Variants in PRKN observed in about 807,000 individuals in gnomAD.
PRKN encodes the protein E3 ubiquitin-protein ligase parkin.
PRKN carries 56 observed loss-of-function variants against 59.5 expected under a neutral mutation model. The observed-to-expected ratio is 0.94, with a 90% CI of 0.76 to 1.18. The LOEUF (loss-of-function observed/expected upper bound fraction) is 1.18, where lower values mean the gene tolerates loss of function less well. Among genes scored for constraint, PRKN ranks in the 50% most tolerant of loss-of-function variants. PRKN has a pLI of 0.00. For missense variants in PRKN, 657 were observed against 596.4 expected (o/e 1.10, Z -1.06); for synonymous variants, 250 against 222.1 (o/e 1.13, Z -1.12).
intron 4 of PRKN, among the ~76,000 whole-genome samples, chr6:162,154,998 A>G (rs1782443923): frequency 6.6e-6 from 1 of 151,794 alleles, no homozygotes; most frequent in South Asian, 2.1e-4. Context: ...ATTCAAAAAA[A>G]GCACAAAAAG....
intron 7 of PRKN, among the ~76,000 whole-genome samples, chr6:161,733,797 T>TATATATATATATATATATAA: frequency 1.2e-5 from 1 of 82,004 alleles, no homozygotes; most frequent in Non-Finnish European, 2.5e-5. Flanking sequence ...TATATATATA[T>TATATATATATATATATATAA]GTATATATAT....
chr6:162,401,364 G>A (rs550873019), intron 2 of PRKN, among the ~76,000 whole-genome samples: 5 of 151,082 alleles, frequency 3.3e-5, no homozygotes, highest in East Asian at 1.9e-4. Context: ...TAAATTCATT[G>A]TAAGTTGAAA....
At chr6:161,637,653 A>G (rs932528650) in intron 7 of PRKN, among the ~76,000 whole-genome samples, 31 of 151,798 alleles carry the variant, frequency 2.0e-4, no homozygotes, top group African/African-American at 1.2e-4. Context: ...GCACCTCTTC[A>G]GGTAGTAGAG....
intron 4 of PRKN, among the ~76,000 whole-genome samples, chr6:162,115,284 G>T (rs1012935526): frequency 8.6e-5 from 12 of 138,966 alleles, no homozygotes; most frequent in Non-Finnish European, 1.4e-4. Context: ...TCATAGGTGG[G>T]AATTGAATAA....
chr6:162,532,175 C>G (rs77942430), intron 1 of PRKN, among the ~76,000 whole-genome samples: 1 of 55,108 alleles, frequency 1.8e-5, no homozygotes, highest in South Asian at 6.5e-4. Flanking sequence ...CTCCAGATAG[C>G]ACAAATCCAA....
chr6:161,450,972 T>C (rs1243211195), intron 9 of PRKN, among the ~76,000 whole-genome samples: 5 of 152,124 alleles, frequency 3.3e-5, no homozygotes, highest in African/African-American at 9.7e-5. Context: ...AAATCAACAA[T>C]ATGAATGATA....
intron 2 of PRKN, among the ~76,000 whole-genome samples, chr6:162,439,772 C>T (rs1789964399): frequency 6.6e-6 from 1 of 151,622 alleles, no homozygotes; most frequent in African/African-American, 2.4e-5. Flanking sequence ...AGTAAGTATC[C>T]TCTCTCCTTT....
chr6:162,481,114 C>T (rs772454770), intron 1 of PRKN, among the ~76,000 whole-genome samples: 26 of 152,150 alleles, frequency 1.7e-4, no homozygotes, highest in Non-Finnish European at 3.5e-4. Flanking sequence ...TGAGCCACTG[C>T]GCCTGGCCTA....
intron 2 of PRKN, among the ~76,000 whole-genome samples, chr6:162,373,715 G>C (rs924136426): frequency 6.6e-6 from 1 of 152,052 alleles, no homozygotes; most frequent in Non-Finnish European, 1.5e-5. Flanking sequence ...AGAAGAACAA[G>C]TTTAACAACA....
intron 2 of PRKN, among the ~76,000 whole-genome samples, chr6:162,265,574 C>G (rs559972849): frequency 1.3e-5 from 2 of 152,080 alleles, no homozygotes; most frequent in Admixed American, 1.3e-4. Flanking sequence ...GCCTGTAATC[C>G]CAGCTACTCA....
At chr6:162,497,460 T>C (rs756276894) in intron 1 of PRKN, among the ~76,000 whole-genome samples, 6 of 152,248 alleles carry the variant, frequency 3.9e-5, no homozygotes, top group Non-Finnish European at 5.9e-5. Context: ...TAAATTCCCA[T>C]GCCTTTGCAT....
chr6:162,020,358 A>AAAAAAAAAAAC (rs1783097726), intron 5 of PRKN, among the ~76,000 whole-genome samples: 1 of 143,392 alleles, frequency 7.0e-6, no homozygotes, highest in African/African-American at 2.5e-5. Flanking sequence ...AAAAAAAAAA[A>AAAAAAAAAAAC]CAGATAAAAA....
intron 1 of PRKN, among the ~76,000 whole-genome samples, chr6:162,546,564 T>G (rs557658639): frequency 3.9e-4 from 59 of 152,106 alleles, no homozygotes; most frequent in Admixed American, 7.2e-4. Context: ...CTGCCTCATC[T>G]TCCCAAGTAG....
intron 2 of PRKN, among the ~76,000 whole-genome samples, chr6:162,304,190 T>C (rs1469708549): frequency 6.6e-6 from 1 of 150,686 alleles, no homozygotes; most frequent in Admixed American, 6.6e-5. Context: ...TGATTGAAGG[T>C]CGTCTCTTAT....
At chr6:162,425,620 C>T (rs1789200708) in intron 2 of PRKN, among the ~76,000 whole-genome samples, 1 of 151,998 alleles carries the variant, frequency 6.6e-6, no homozygotes, top group Admixed American at 6.6e-5. Flanking sequence ...TGCAAAATGG[C>T]CCAAAAATGG....
At chr6:161,674,014 T>C (rs1582984374) in intron 7 of PRKN, among the ~76,000 whole-genome samples, 1 of 152,140 alleles carries the variant, frequency 6.6e-6, no homozygotes, top group East Asian at 1.9e-4. Context: ...GAGCTAAAGC[T>C]ATACATTTTG....
intron 2 of PRKN, among the ~76,000 whole-genome samples, chr6:162,363,728 G>T (rs901208119): frequency 1.3e-5 from 2 of 152,128 alleles, no homozygotes; most frequent in Admixed American, 1.3e-4. Flanking sequence ...TAGATATTGT[G>T]ATATAAAATT....
At chr6:161,668,730 T>C (rs965306560) in intron 7 of PRKN, among the ~76,000 whole-genome samples, 3 of 152,198 alleles carry the variant, frequency 2.0e-5, no homozygotes, top group African/African-American at 7.2e-5. Context: ...ATTTGGCACA[T>C]AGTAGATGGA....
intron 5 of PRKN, among the ~76,000 whole-genome samples, chr6:161,999,031 T>C (rs1319112907): frequency 6.6e-6 from 1 of 152,064 alleles, no homozygotes; most frequent in Non-Finnish European, 1.5e-5. Flanking sequence ...AAACATTTGA[T>C]AGAAAGATAA....
Sources: allele counts gnomAD v4.1 joint callset (sites outside exome capture counted in the v4.1 genomes callset), GRCh38; gene constraint gnomAD v4.1.1; transcripts MANE v1.5; gene names NCBI Gene and HGNC (gene_info 2026-07-23, HGNC 2026-07-21).